The following OR52N4 variants were observed in gnomAD, a reference collection of about 807,000 sequenced individuals.
OR52N4 encodes the protein olfactory receptor family 52 subfamily N member 4.
In OR52N4, 15 loss-of-function variants were observed where a neutral mutation model predicts 15.0. The observed-to-expected ratio is 1.00, with a 90% confidence interval of 0.67 to 1.54. The LOEUF is 1.54. Among genes scored for constraint, OR52N4 ranks in the 40% most tolerant of loss-of-function variants. The pLI is 0.00. For missense variants in OR52N4, 421 were observed against 394.0 expected (o/e 1.07, Z -0.58); for synonymous variants, 143 against 143.7 (o/e 1.00, Z 0.03).
chr11:5,745,495 G>A, the OR52N4 span, among the ~76,000 whole-genome samples: 1 of 152,012 alleles, frequency 6.6e-6, no homozygotes, highest in East Asian at 1.9e-4. Context: ...TAACTATGCT[G>A]GTGAAAGATC....
At chr11:5,743,382 A>C in the OR52N4 span, among the ~76,000 whole-genome samples, 1 of 152,214 alleles carries the variant, frequency 6.6e-6, no homozygotes, top group Non-Finnish European at 1.5e-5. Flanking sequence ...CCTCTAGATT[A>C]AATGCTAAAC....
the OR52N4 span, chr11:5,727,134 C>CTTG: frequency 5.2e-5 from 8 of 152,814 alleles, no homozygotes; most frequent in African/African-American, 1.9e-4. Context: ...CTGGGGTTGA[C>CTTG]TTGTTTTGCA....
At chr11:5,751,621 G>A (rs1055392183), upstream of OR52N4, among the ~76,000 whole-genome samples, 19 of 151,910 alleles carry the variant, frequency 1.3e-4, no homozygotes, top group East Asian at 3.9e-4. Context: ...AAAGTGTTTC[G>A]GGTGAGTCAT....
the OR52N4 span, among the ~76,000 whole-genome samples, chr11:5,730,726 A>G: frequency 1.5e-3 from 220 of 151,298 alleles, no homozygotes; most frequent in African/African-American, 5.3e-3. Context: ...ATCTAAGTCC[A>G]TAGCAATGGG....
chr11:5,751,590 T>C (rs531536088), upstream of OR52N4, among the ~76,000 whole-genome samples: 1 of 152,162 alleles, frequency 6.6e-6, no homozygotes, highest in Non-Finnish European at 1.5e-5. Flanking sequence ...ACTTAGATTA[T>C]AATTTAATAA....
At position 5,754,961 on chromosome 11, in the gene OR52N4, T is replaced by C. The variant is rs768996708; in HGVS notation, c.221T>C (p.Val74Ala). ...FLAMLSFTDL[V>A]MCSSTIPKAL... The stretch of plus-strand genomic sequence containing the variant: ...GCCATGCTTTCCTTTACTGACCTTG[T>C]TATGTGCTCTAGTACAATCCCTAAA... Residue 74 changes from valine to alanine, a missense_variant, in exon 2 of 2, where the codon GTT (valine) becomes GCT (alanine). Physicochemically the swap from Val to Ala is moderately conservative, Grantham distance 64 (BLOSUM62 0). Coordinates refer to ENST00000641350, the MANE Select transcript of OR52N4 (RefSeq NM_001005175.5). 1 of 1,613,846 alleles carries C rather than the reference T, an allele frequency of 6.2e-7. No individual in the cohort carries two copies. The highest frequency in any genetic ancestry group is 1.1e-5 in the South Asian group (1 of 91,074).
chr11:5,728,557 T>C, the OR52N4 span, among the ~76,000 whole-genome samples: 2 of 152,176 alleles, frequency 1.3e-5, no homozygotes, highest in African/African-American at 4.8e-5. Flanking sequence ...TAGTACACAT[T>C]TTTTGCTTGT....
At chr11:5,741,887 A>G in the OR52N4 span, among the ~76,000 whole-genome samples, 1 of 152,204 alleles carries the variant, frequency 6.6e-6, no homozygotes, top group African/African-American at 2.4e-5. Flanking sequence ...TAGGCAGCCA[A>G]CAAGGGTGAC....
At chr11:5,750,635 A>T (rs1854171020), upstream of OR52N4, among the ~76,000 whole-genome samples, 1 of 151,742 alleles carries the variant, frequency 6.6e-6, no homozygotes. Flanking sequence ...TTAATAATAT[A>T]TTGTAAAACA....
At chr11:5,748,680 C>T in the OR52N4 span, among the ~76,000 whole-genome samples, 47 of 151,944 alleles carry the variant, frequency 3.1e-4, no homozygotes, top group African/African-American at 1.0e-3. Flanking sequence ...TAAAATGATA[C>T]ATTAATATAA....
upstream of OR52N4, among the ~76,000 whole-genome samples, chr11:5,752,887 G>C (rs577094815): frequency 1.3e-5 from 2 of 152,138 alleles, no homozygotes; most frequent in South Asian, 4.1e-4. Flanking sequence ...TTCATTTAAA[G>C]ATCACAAGAT....
At chr11:5,737,136 G>C in the OR52N4 span, 1 of 1,613,964 alleles carries the variant, frequency 6.2e-7, no homozygotes, top group South Asian at 1.1e-5. Context: ...AACAGCATTT[G>C]CCAGTTGGTT....
At chr11:5,750,321 G>A (rs1374400602), upstream of OR52N4, among the ~76,000 whole-genome samples, 1 of 151,824 alleles carries the variant, frequency 6.6e-6, no homozygotes, top group African/African-American at 2.4e-5. Context: ...CTCCACCCAG[G>A]TAATTGTTCT....
the OR52N4 span, among the ~76,000 whole-genome samples, chr11:5,735,567 A>G: frequency 6.6e-6 from 1 of 152,274 alleles, no homozygotes; most frequent in East Asian, 1.9e-4. Context: ...AAAAGAGTGC[A>G]TATGAATGAA....
chr11:5,731,952 T>C, the OR52N4 span, among the ~76,000 whole-genome samples: 1 of 152,224 alleles, frequency 6.6e-6, no homozygotes, highest in Non-Finnish European at 1.5e-5. Context: ...TGCAATGTGA[T>C]ATTGTGATAT....
In OR52N4 at chr11:5,754,708, T is replaced by C. The variant is rs993456510; in HGVS notation, c.-33T>C. On this transcript the variant is annotated 5_prime_UTR_variant, in exon 2 of 2. Coordinates refer to ENST00000641350, the MANE Select transcript of OR52N4 (RefSeq NM_001005175.5). The stretch of plus-strand genomic sequence containing the variant: ...TTAACTCTAGGAAAGCCCAGACAAA[T>C]TTTGAGCTATTTCATAACCTACCAG... 1.9e-6 allele frequency: 3 copies of C among 1,546,522 alleles called. No homozygotes were observed. The highest frequency in any genetic ancestry group is 2.6e-6 in the Non-Finnish European group (3 of 1,148,544).
At chr11:5,741,130 A>C in the OR52N4 span, among the ~76,000 whole-genome samples, 2 of 64,674 alleles carry the variant, frequency 3.1e-5, 1 homozygote, top group African/African-American at 1.0e-4. Context: ...AGTTTCTCTC[A>C]TACAAGACTA....
upstream of OR52N4, among the ~76,000 whole-genome samples, chr11:5,749,701 G>C (rs1854149743): frequency 6.6e-6 from 1 of 151,802 alleles, no homozygotes; most frequent in Non-Finnish European, 1.5e-5. Context: ...AATCCACACG[G>C]AGCAAGCAAC....
the OR52N4 span, among the ~76,000 whole-genome samples, chr11:5,728,531 A>G: frequency 6.6e-6 from 1 of 152,162 alleles, no homozygotes; most frequent in Non-Finnish European, 1.5e-5. Flanking sequence ...AGCATTTTCA[A>G]TTTTGAGTTC....
Sources: allele counts gnomAD v4.1 joint callset (sites outside exome capture counted in the v4.1 genomes callset), GRCh38; gene constraint gnomAD v4.1.1; transcripts MANE v1.5; gene names NCBI Gene and HGNC (gene_info 2026-07-23, HGNC 2026-07-21).